SPNS3: variants seen among roughly 807,000 people sequenced by gnomAD.
The protein encoded by SPNS3 is SPNS lysolipid transporter 3, sphingosine-1-phosphate (putative).
SPNS3 carries 51 observed loss-of-function variants against 54.4 expected under a neutral mutation model. The observed-to-expected ratio is 0.94, with a 90% CI of 0.75 to 1.18. The LOEUF is 1.18. Ranked by LOEUF, SPNS3 falls within the 50% of genes most tolerant of loss-of-function variation. The pLI, the probability that SPNS3 is intolerant of heterozygous loss-of-function variation, is 0.00. For synonymous variants in SPNS3, 309 were observed against 294.7 expected (o/e 1.05, Z -0.50); for missense variants, 669 against 677.4 (o/e 0.99, Z 0.14).
intron 8 of SPNS3, among the ~76,000 whole-genome samples, chr17:4,457,928 G>C (rs1971357493): frequency 6.6e-6 from 1 of 152,142 alleles, no homozygotes; most frequent in Non-Finnish European, 1.5e-5. Flanking sequence ...TCTGGCGCTG[G>C]GAAGCTGCTG....
At chr17:4,437,755 T>C (rs541533686) in intron 1 of SPNS3, among the ~76,000 whole-genome samples, 12 of 151,884 alleles carry the variant, frequency 7.9e-5, no homozygotes, top group South Asian at 2.1e-4. Context: ...GCAGTGGCAA[T>C]TGGGGACAAA....
At chr17:4,461,361 CTTTTTTTTTTT>C (rs55928003) in intron 8 of SPNS3, among the ~76,000 whole-genome samples, 8 of 33,416 alleles carry the variant, frequency 2.4e-4, no homozygotes, top group East Asian at 1.2e-3. Flanking sequence ...CTTTTCTTTT[CTTTTTTTTTTT>C]TTTTTTTTTT....
At chr17:4,478,460 T>C (rs751090232) in intron 8 of SPNS3, 112 bp from the exon 9 acceptor site, 40 of 943,764 alleles carry the variant, frequency 4.2e-5, no homozygotes, top group Non-Finnish European at 6.3e-5. Context: ...TAAGTCTCAA[T>C]AATGCCTTTC....
intron 11 of SPNS3, among the ~76,000 whole-genome samples, chr17:4,487,242 G>A (rs1597350084): frequency 6.6e-6 from 1 of 150,932 alleles, no homozygotes; most frequent in Middle Eastern, 3.5e-3. Context: ...GGCGAAACTA[G>A]AGCAAAGATC....
chr17:4,472,775 T>A (rs7222659), intron 8 of SPNS3, among the ~76,000 whole-genome samples: 434 of 5,860 alleles, frequency 0.074, 7 homozygotes, highest in East Asian at 0.19. Flanking sequence ...CTTGGCAGCC[T>A]TTTTTTTTTT....
At chr17:4,458,600 T>C (rs111674950) in intron 8 of SPNS3, among the ~76,000 whole-genome samples, 1,178 of 85,660 alleles carry the variant, frequency 0.014, 46 homozygotes, top group African/African-American at 0.071. Flanking sequence ...TTTCTTTCTT[T>C]CTTTCTTTCT....
chr17:4,474,298 T>C (rs4790196), intron 8 of SPNS3, among the ~76,000 whole-genome samples: 97,477 of 152,132 alleles, frequency 0.64, 31,455 homozygotes, highest in East Asian at 0.89. Flanking sequence ...GGTTGGCAAG[T>C]CCAGGGACAA....
intron 8 of SPNS3, among the ~76,000 whole-genome samples, chr17:4,468,720 C>T (rs527525960): frequency 5.6e-5 from 3 of 53,850 alleles, no homozygotes; most frequent in South Asian, 2.0e-3. Flanking sequence ...CTCTCTCTTT[C>T]TTTTCTTTCT....
At chr17:4,434,708 A>G (rs1160827045) in intron 1 of SPNS3, among the ~76,000 whole-genome samples, 2 of 151,184 alleles carry the variant, frequency 1.3e-5, no homozygotes, top group Non-Finnish European at 2.9e-5. Context: ...GGGTTTTACC[A>G]TGCTAGTCAG....
intron 4 of SPNS3, 104 bp downstream of exon 4, chr17:4,446,303 G>A: frequency 7.7e-7 from 1 of 1,296,046 alleles, no homozygotes; most frequent in Non-Finnish European, 1.1e-6. Flanking sequence ...CAGGAGGGCT[G>A]GGATTTGAGT....
In SPNS3 at chr17:4,449,269, G is replaced by A. The variant is rs147966930; in HGVS notation, c.805G>A (p.Ala269Thr). 1,611 of 1,612,308 alleles carry A rather than the reference G, an allele frequency of 1.0e-3. 1 individual carries two copies. The highest frequency in any genetic ancestry group is 1.2e-3 in the Non-Finnish European group (1,367 of 1,179,884). ...CGTGTGGTCGACCCTCGGAGTGACC[G>A]CCATGGCCTTTGTGACTGGAGCCCT... is the stretch of plus-strand genomic sequence containing the variant. ...SFVWSTLGVT[A>T]MAFVTGALGF... Residue 269 changes from alanine to threonine, a missense_variant, in exon 7 of 12, where the codon GCC becomes ACC. Transcript: ENST00000355530.
chr17:4,444,854 G>C, intron 2 of SPNS3, 178 bp from the exon 3 acceptor site: 1 of 742,340 alleles, frequency 1.3e-6, no homozygotes, highest in Non-Finnish European at 2.2e-6. Flanking sequence ...CTGGGCTGCG[G>C]CTGCATGTTG....
At chr17:4,448,103 T>C (rs970570761) in intron 5 of SPNS3, 52 bp from the exon 6 acceptor site, 1 of 1,515,676 alleles carries the variant, frequency 6.6e-7, no homozygotes, top group Non-Finnish European at 8.8e-7. Flanking sequence ...CGGGGGTCCC[T>C]TGGGCTGTGA....
intron 1 of SPNS3, among the ~76,000 whole-genome samples, chr17:4,437,568 G>A (rs1013725443): frequency 1.4e-4 from 21 of 152,074 alleles, no homozygotes; most frequent in South Asian, 2.1e-4. Context: ...TTGGGAGGCC[G>A]AGGCAGGAAA....
chr17:4,458,399 TTTC>T (rs1971373238), intron 8 of SPNS3, among the ~76,000 whole-genome samples: 1 of 146,130 alleles, frequency 6.8e-6, no homozygotes, highest in Non-Finnish European at 1.5e-5. Context: ...TCTTTCTTTC[TTTC>T]TTTCCATTTT....
At chr17:4,467,210 C>T (rs554885583) in intron 8 of SPNS3, among the ~76,000 whole-genome samples, 2 of 152,054 alleles carry the variant, frequency 1.3e-5, no homozygotes, top group South Asian at 4.2e-4. Context: ...CATAGATTCA[C>T]TCTGGCTTCC....
At chr17:4,452,851 G>A (rs1423571644) in intron 7 of SPNS3, among the ~76,000 whole-genome samples, 165 bp from the exon 8 acceptor site, 5 of 152,000 alleles carry the variant, frequency 3.3e-5, no homozygotes, top group African/African-American at 1.2e-4. Context: ...CAGTGAGGAG[G>A]GTGGGTAAGG....
At position 4,487,938 on chromosome 17, in the gene SPNS3, C is replaced by A; in HGVS notation, c.*44C>A. ...TCCTGCCTGCAAGCCTCCCGTTGGT[C>A]CCCACAGCAGCAGTGCCTCGGTTCC... On this transcript the variant is annotated 3_prime_UTR_variant, in exon 12 of 12. Transcript: ENST00000355530. 6.4e-7 allele frequency: 1 copy of A among 1,564,926 alleles called. No homozygotes were observed. The highest frequency in any genetic ancestry group is 1.1e-5 in the South Asian group (1 of 89,848).
intron 8 of SPNS3, among the ~76,000 whole-genome samples, chr17:4,474,970 G>A (rs539382022): frequency 6.6e-6 from 1 of 152,308 alleles, no homozygotes; most frequent in African/African-American, 2.4e-5. Context: ...GTGTGTGAGT[G>A]TGCTTGTGTG....
Sources: gnomAD v4.1 joint callset for allele counts (sites outside exome capture counted in the v4.1 genomes callset) on GRCh38, gnomAD v4.1.1 for gene constraint, MANE v1.5 for transcripts, NCBI Gene and HGNC (gene_info 2026-07-23, HGNC 2026-07-21) for gene names.